CAMSAP3: variants seen among roughly 807,000 people sequenced by gnomAD.
CAMSAP3 encodes the protein calmodulin regulated spectrin associated protein family member 3.
In CAMSAP3, 34 loss-of-function variants were observed where a neutral mutation model predicts 112.5. The observed-to-expected ratio is 0.30, with a 90% CI of 0.23 to 0.40. The LOEUF (loss-of-function observed/expected upper bound fraction) is 0.40. Ranked by LOEUF, CAMSAP3 falls within the 10% of genes least tolerant of loss-of-function variation. The pLI, the probability that CAMSAP3 is intolerant of heterozygous loss-of-function variation, is 1.00. For missense variants in CAMSAP3, 1,602 were observed against 1,770.3 expected, an observed-to-expected ratio of 0.90 and a Z score of 1.71; for synonymous variants, 868 against 799.8, an observed-to-expected ratio of 1.09 and a Z score of -1.44.
intron 1 of CAMSAP3, among the ~76,000 whole-genome samples, chr19:7,603,785 G>C (rs1416028769): frequency 6.6e-6 from 1 of 152,132 alleles, no homozygotes; most frequent in Non-Finnish European, 1.5e-5. Flanking sequence ...CAGAGTTCAG[G>C]TTGCAGTGAG....
rs945501753 is a variant in CAMSAP3, at chr19:7,612,018, C to T, written c.1525C>T (p.Leu509=). 2 of 1,613,032 alleles carry T rather than the reference C, an allele frequency of 1.2e-6. No individual in the cohort carries two copies. The highest frequency in any genetic ancestry group is 1.7e-4 in the Middle Eastern group (1 of 6,058). Residue 509 remains leucine, a synonymous_variant, in exon 11 of 17, where the codon CTG becomes TTG. Coordinates refer to ENST00000160298, the MANE Select transcript of CAMSAP3 (RefSeq NM_020902.2). ...PYLPEGTSKP[L]SDRPTKAPVY... ...CCTGCCCGAGGGGACCTCCAAACCACTGTCCGACAGGCCCACCAAAGCACC... is the reference window on the plus strand; with the variant it reads ...CCTGCCCGAGGGGACCTCCAAACCATTGTCCGACAGGCCCACCAAAGCACC...
At chr19:7,605,512 T>C (rs1210086041) in intron 2 of CAMSAP3, 33 bp downstream of exon 2, 6 of 1,437,474 alleles carry the variant, frequency 4.2e-6, no homozygotes, top group Non-Finnish European at 5.5e-6. Context: ...AGACCACGCC[T>C]ACCATGCTCA....
rs371386332 is a variant in CAMSAP3, at chr19:7,613,937, C to T, written c.2670+774C>T. 7.9e-5 allele frequency among the ~76,000 whole-genome samples: 12 copies of T among 152,182 alleles called. No homozygotes were observed. In the East Asian group the frequency reaches 9.7e-4, roughly 12 times the overall value. On this transcript the variant is annotated intron_variant, in intron 11 of 16. Coordinates refer to ENST00000160298, the MANE Select transcript of CAMSAP3 (RefSeq NM_020902.2). ...ACTGAGTGGTCGGGGATTTTGACTG[C>T]TCCCCTTACCCTTGCTTTTAGAATG...
In CAMSAP3 at chr19:7,607,811, CT is replaced by C; in HGVS notation, c.622-314del. 7.7e-7 allele frequency: 1 copy of C among 1,307,170 alleles called. No individual in the cohort carries two copies. Among genetic ancestry groups the C allele is most frequent in the Non-Finnish European group, 1.0e-6 (1 of 959,984 alleles). The allele number at this position is 1,307,170 out of a possible 1,614,324, so 81.0% of individuals were successfully genotyped here. A position where few individuals can be genotyped will look rare whatever the true frequency, so the allele number is the denominator to read the frequency against. On this transcript the variant is annotated intron_variant, in intron 4 of 16. Transcript: ENST00000160298. This position sits in a 1 kb window ranked among gnomAD's most constrained non-coding sequence, Gnocchi z 4.9. ...CTCCCCCTTGCTGATGGCTGCTCCTCTCCCCCCAGCACGCAATTGCCTTCTG... is the reference window on the plus strand; with the variant it reads ...CTCCCCCTTGCTGATGGCTGCTCCTCCCCCCCAGCACGCAATTGCCTTCTG...
intron 1 of CAMSAP3, among the ~76,000 whole-genome samples, chr19:7,604,571 C>T (rs933905733): frequency 2.6e-5 from 4 of 152,166 alleles, no homozygotes; most frequent in Admixed American, 6.5e-5. Context: ...ACCAGGTTTA[C>T]ATCACTCAAC....
Position 7,605,290 on chromosome 19 carries a change from GC to G in CAMSAP3, c.218del (p.Pro73ArgfsTer2). ...ACCAGTACGCGCAGGAGCATGTGAA[GC>G]CCCCGGTGACACGGCTGCTGCTCTC... ...TDQYAQEHVK[P>X]PVTRLLLSAE... On this transcript the variant is annotated frameshift_variant, in exon 2 of 17. Coordinates refer to ENST00000160298, the MANE Select transcript of CAMSAP3 (RefSeq NM_020902.2). LOFTEE classifies it high-confidence loss of function. 6.2e-7 allele frequency: 1 copy of G among 1,611,214 alleles called. No individual in the cohort carries two copies. Among genetic ancestry groups the G allele is most frequent in the South Asian group, 1.1e-5 (1 of 90,670 alleles).
chr19:7,601,016 A>G (rs1280082048), intron 1 of CAMSAP3, among the ~76,000 whole-genome samples: 2 of 151,758 alleles, frequency 1.3e-5, no homozygotes, highest in South Asian at 2.1e-4. Context: ...GTGCTATTCA[A>G]TATGGTGGCC....
At chr19:7,608,533 T>G (rs1440935569) in intron 5 of CAMSAP3, among the ~76,000 whole-genome samples, 2 of 152,154 alleles carry the variant, frequency 1.3e-5, no homozygotes, top group African/African-American at 4.8e-5. Flanking sequence ...GTGCCAGACC[T>G]TGTTTTAGGC....
chr19:7,610,222 G>A lies in CAMSAP3; in HGVS notation c.761-254G>A, dbSNP rs547952812. ...AATCCCAGCTACTCAGGAGGCTGAG[G>A]TGGGAGAATCACTTGAACCCGGGAG... On this transcript the variant is annotated intron_variant, in intron 5 of 16. Transcript: ENST00000160298. The surrounding 1 kb of genome is among the most constrained non-coding windows in gnomAD (Gnocchi z 4.9). 3.3e-5 allele frequency among the ~76,000 whole-genome samples: 5 copies of A among 152,026 alleles called. No homozygotes were observed. In the South Asian group the frequency reaches 1.0e-3, roughly 32 times the overall value.
Position 7,617,622 on chromosome 19 carries a change from G to A in CAMSAP3, c.3405G>A (p.Ala1135=), listed in dbSNP as rs751147061. 5.9e-5 allele frequency: 95 copies of A among 1,614,052 alleles called. No individual in the cohort carries two copies. The highest frequency in any genetic ancestry group is 1.6e-4 in the Middle Eastern group (1 of 6,084). Reference sequence around the variant, plus strand: ...ATGCCCTATCACACTGCTGCCTGGCGGGCAAGGTGAACGAACCGCAGAAGA... The same window carrying A: ...ATGCCCTATCACACTGCTGCCTGGCAGGCAAGGTGAACGAACCGCAGAAGA... The part of the protein sequence containing the change: ...IHNALSHCCL[A]GKVNEPQKNR... The change falls in exon 16 of 17, where the codon GCG becomes GCA. Residue 1135 remains alanine (A), a synonymous_variant. Transcript: ENST00000160298. This position sits in a 1 kb window ranked among gnomAD's most constrained non-coding sequence, Gnocchi z 7.5.
At position 7,611,865 on chromosome 19, in the gene CAMSAP3, A is replaced by C. The variant is rs752083887; in HGVS notation, c.1372A>C (p.Thr458Pro). The C allele has an allele frequency of 2.0e-5, 31 of 1,565,636 alleles. No homozygotes were observed. Among genetic ancestry groups the C allele is most frequent in the Non-Finnish European group, 2.5e-5 (29 of 1,155,100 alleles). Residue 458 changes from threonine (T) to proline (P), a missense_variant, in exon 11 of 17, where the codon ACC (threonine) becomes CCC (proline). Physicochemically the swap from Thr to Pro is conservative, Grantham distance 38. Transcript: ENST00000160298. The surrounding 1 kb of genome is among the most constrained non-coding windows in gnomAD (Gnocchi z 6.9). ...ACCCCCGGAGCCTGGTGACCTGCCCACCATCGAGGAAGCTCTGCAGATCAT... is the reference window on the plus strand; with the variant it reads ...ACCCCCGGAGCCTGGTGACCTGCCCCCCATCGAGGAAGCTCTGCAGATCAT... ...QPPPEPGDLP[T>P]IEEALQIIHS...
Position 7,612,151 on chromosome 19 carries a change from CGT to C in CAMSAP3, c.1659_1660del (p.Ser554ProfsTer26). ...GAGGGGTCCCCGAAGGCGGTGGCTT[CGT>C]CCCCAGCAGCCACCAACTCCGAGGT... is the stretch of plus-strand genomic sequence containing the variant. On this transcript the variant is annotated frameshift_variant, in exon 11 of 17. Transcript: ENST00000160298. LOFTEE classifies it high-confidence loss of function. The C allele has an allele frequency of 6.2e-7, 1 of 1,612,332 alleles. No individual in the cohort carries two copies. The highest frequency in any genetic ancestry group is 8.5e-7 in the Non-Finnish European group (1 of 1,179,736).
chr19:7,612,684 C>T lies in CAMSAP3; in HGVS notation c.2191C>T (p.Pro731Ser), dbSNP rs1302698250. Residue 731 changes from proline to serine, a missense_variant, in exon 11 of 17, where the codon CCC becomes TCC. Pro to Ser is a moderately conservative substitution (Grantham distance 74, BLOSUM62 -1). Coordinates refer to ENST00000160298, the MANE Select transcript of CAMSAP3 (RefSeq NM_020902.2). ...CCAGCAGCAGCGGCTCCTGGCCCCG[C>T]CCGAGGCCCCCGGATCCGCCCCACC... ...TDQQQRLLAP[P>S]EAPGSAPPPA... 3 of 1,512,030 alleles carry T rather than the reference C, an allele frequency of 2.0e-6. No homozygotes were observed. In the African/African-American group the frequency reaches 4.1e-5, roughly 21 times the overall value. 93.7% of individuals were successfully genotyped at this position (1,512,030 alleles called of 1,614,324 possible). A position where few individuals can be genotyped will look rare whatever the true frequency, so the allele number is the denominator to read the frequency against.
In CAMSAP3 at chr19:7,610,348, A is replaced by T. The variant is rs1599355238; in HGVS notation, c.761-128A>T. 1 of 788,240 alleles carries T rather than the reference A, an allele frequency of 1.3e-6. No homozygotes were observed. The highest frequency in any genetic ancestry group is 2.0e-6 in the Non-Finnish European group (1 of 494,878). 48.8% of individuals were successfully genotyped at this position (788,240 alleles called of 1,614,324 possible). On this transcript the variant is annotated intron_variant, in intron 5 of 16. Coordinates refer to ENST00000160298, the MANE Select transcript of CAMSAP3 (RefSeq NM_020902.2). The surrounding 1 kb of genome is among the most constrained non-coding windows in gnomAD (Gnocchi z 4.9). ...AAAAAAAAAAAGAATTCACCTCTCG[A>T]AGGGCACCTGGCAGAAGCTGGGCTC...
Position 7,596,000 on chromosome 19 carries a change from G to C in CAMSAP3, c.-3G>C. 1 of 1,099,016 alleles carries C rather than the reference G, an allele frequency of 9.1e-7. No individual in the cohort carries two copies. 68.1% of individuals were successfully genotyped at this position (1,099,016 alleles called of 1,614,324 possible). Reference sequence around the variant, plus strand: ...ACCCGGCGCCCGCAGCCCCGGCGCCGCCATGGTGGAGGCGGCGCCCCCCGG... The same window carrying C: ...ACCCGGCGCCCGCAGCCCCGGCGCCCCCATGGTGGAGGCGGCGCCCCCCGG... On this transcript the variant is annotated 5_prime_UTR_variant, in exon 1 of 17. Transcript: ENST00000160298.
chr19:7,605,823 T>A (rs548918159), intron 2 of CAMSAP3, among the ~76,000 whole-genome samples: 1 of 149,124 alleles, frequency 6.7e-6, no homozygotes, highest in Non-Finnish European at 1.5e-5. Context: ...GTCTTGGCTC[T>A]GTCCCTTAAG....
chr19:7,601,737 TA>T (rs1203540473), intron 1 of CAMSAP3, among the ~76,000 whole-genome samples: 1 of 149,242 alleles, frequency 6.7e-6, no homozygotes, highest in African/African-American at 2.5e-5. Flanking sequence ...TAAAATAAAA[TA>T]AAATAAAATA....
intron 2 of CAMSAP3, among the ~76,000 whole-genome samples, chr19:7,606,026 AC>A (rs2030196195): frequency 6.6e-6 from 1 of 151,930 alleles, no homozygotes; most frequent in Non-Finnish European, 1.5e-5. Flanking sequence ...TACACAGCCC[AC>A]CCTATCCTAA....
intron 1 of CAMSAP3, among the ~76,000 whole-genome samples, chr19:7,596,453 T>TGGGGTCTCCCCGTGC (rs2024445092): frequency 6.6e-6 from 1 of 151,638 alleles, no homozygotes. Context: ...GCGGGCCGGG[T>TGGGGTCTCCCCGTGC]GGGGTCTCCC....
Sources: gnomAD v4.1 joint callset for allele counts (sites outside exome capture counted in the v4.1 genomes callset) on GRCh38, gnomAD v4.1.1 for gene constraint, Gnocchi (gnomAD v3.1) non-coding constraint, MANE v1.5 for transcripts, NCBI Gene and HGNC (gene_info 2026-07-23, HGNC 2026-07-21) for gene names.